Variants in ACTR2 observed in about 807,000 individuals in gnomAD.
The protein encoded by ACTR2 is actin related protein 2.
Under a neutral mutation model 50.2 loss-of-function variants are expected in ACTR2, and 5 were observed. The observed-to-expected ratio is 0.10, with a 90% CI of 0.05 to 0.21. The LOEUF (loss-of-function observed/expected upper bound fraction) is 0.21. Ranked by LOEUF, ACTR2 falls within the 10% of genes least tolerant of loss-of-function variation. The pLI, the probability that ACTR2 is intolerant of heterozygous loss-of-function variation, is 1.00. For synonymous variants in ACTR2, 140 were observed against 162.9 expected, an observed-to-expected ratio of 0.86 and a Z score of 1.07; for missense variants, 180 against 480.6, an observed-to-expected ratio of 0.37 and a Z score of 5.85.
At chr2:65,253,524 A>G (rs890082486) in intron 4 of ACTR2, among the ~76,000 whole-genome samples, 1 of 144,000 alleles carries the variant, frequency 6.9e-6, no homozygotes, top group Non-Finnish European at 1.5e-5. Context: ...CTTGGACAGC[A>G]CATAATAGTA....
intron 6 of ACTR2, 120 bp from the exon 7 acceptor site, chr2:65,261,127 A>AT: frequency 1.1e-6 from 1 of 926,520 alleles, no homozygotes; most frequent in Non-Finnish European, 1.6e-6. Flanking sequence ...TTTAGGAAAA[A>AT]TTGTTGTTGG....
At chr2:65,252,041 A>G (rs2104004606) in intron 4 of ACTR2, among the ~76,000 whole-genome samples, 1 of 152,230 alleles carries the variant, frequency 6.6e-6, no homozygotes, top group East Asian at 1.9e-4. Flanking sequence ...TCCAGTGGGA[A>G]AAGAGTGTGG....
At position 65,265,163 on chromosome 2, in the gene ACTR2, G is replaced by A. The variant is rs1672348021; in HGVS notation, c.1002G>A (p.Val334=). The A allele has an allele frequency of 6.2e-7, 1 of 1,614,132 alleles. No homozygotes were observed. The highest frequency in any genetic ancestry group is 8.5e-7 in the Non-Finnish European group (1 of 1,180,010). The change falls in exon 8 of 9, where the codon GTG becomes GTA. Residue 334 remains valine (V), a synonymous_variant. Coordinates refer to ENST00000260641, the MANE Select transcript of ACTR2 (RefSeq NM_005722.4). The stretch of plus-strand genomic sequence containing the variant: ...TAGAACGAGTTTTGAAGGGTGATGT[G>A]GAAAAACTTTCTGTAAGTATTAGTA... ...LYLERVLKGD[V]EKLSKFKIRI...
chr2:65,267,856 A>G (rs1366281853), intron 8 of ACTR2, among the ~76,000 whole-genome samples: 1 of 103,758 alleles, frequency 9.6e-6, no homozygotes, highest in Non-Finnish European at 2.2e-5. Context: ...AAGTCATGCA[A>G]GTCCTCTTTT....
At chr2:65,264,996 T>C (rs1338420931) in intron 7 of ACTR2, 47 bp from the exon 8 acceptor site, 2 of 1,608,114 alleles carry the variant, frequency 1.2e-6, no homozygotes, top group Non-Finnish European at 1.7e-6. Context: ...TGAGATACCA[T>C]TTTCCTAACC....
chr2:65,261,422 T>A, intron 7 of ACTR2, 30 bp downstream of exon 7: 1 of 1,576,954 alleles, frequency 6.3e-7, no homozygotes, highest in Non-Finnish European at 8.6e-7. Flanking sequence ...TTCAAAGTTA[T>A]TTATCAGAAA....
chr2:65,237,185 C>T (rs1179852504), intron 1 of ACTR2, among the ~76,000 whole-genome samples: 1 of 152,142 alleles, frequency 6.6e-6, no homozygotes, highest in Non-Finnish European at 1.5e-5. Context: ...CATTTCCTTT[C>T]TTATATAGCT....
intron 1 of ACTR2, among the ~76,000 whole-genome samples, chr2:65,235,615 T>G (rs1401742675): frequency 6.6e-6 from 1 of 151,986 alleles, no homozygotes; most frequent in Non-Finnish European, 1.5e-5. Flanking sequence ...ATTAGCCAGG[T>G]GCAGTGGCGA....
At position 65,239,656 on chromosome 2, in the gene ACTR2, A is replaced by G. The variant is rs202011582; in HGVS notation, c.49-196A>G. Reference sequence around the variant, plus strand: ...CTAATTTAGCAGTAAATAAACATGAACCCTGGAAGTAGGCAATGCCGTGAA... The same window carrying G: ...CTAATTTAGCAGTAAATAAACATGAGCCCTGGAAGTAGGCAATGCCGTGAA... On this transcript the variant is annotated intron_variant, in intron 1 of 8. Coordinates refer to ENST00000260641, the MANE Select transcript of ACTR2 (RefSeq NM_005722.4). 2.6e-5 allele frequency among the ~76,000 whole-genome samples: 4 copies of G among 152,216 alleles called. No individual in the cohort carries two copies. The East Asian group carries it at 7.7e-4, about 29-fold the overall frequency.
chr2:65,229,750 CAAAA>C (rs57953942), intron 1 of ACTR2, among the ~76,000 whole-genome samples: 2 of 54,054 alleles, frequency 3.7e-5, no homozygotes, highest in Non-Finnish European at 4.1e-5. Flanking sequence ...GACTCCGTCT[CAAAA>C]AAAAAAAAAA....
At chr2:65,256,697 C>G (rs1206361775) in intron 6 of ACTR2, among the ~76,000 whole-genome samples, 2 of 152,024 alleles carry the variant, frequency 1.3e-5, no homozygotes, top group East Asian at 3.9e-4. Flanking sequence ...CATGGTGAAA[C>G]CCGTCTTTAC....
intron 8 of ACTR2, among the ~76,000 whole-genome samples, chr2:65,267,862 C>CTTTTTTTTTGTTTTTTTTT (rs1672405129): frequency 2.1e-5 from 1 of 47,386 alleles, no homozygotes; most frequent in Non-Finnish European, 3.8e-5. Context: ...TGCAAGTCCT[C>CTTTTTTTTTGTTTTTTTTT]TTTTTTTTTT....
chr2:65,239,844 C>T lies in ACTR2; in HGVS notation c.49-8C>T. The T allele has an allele frequency of 6.4e-7, 1 of 1,559,066 alleles. No individual in the cohort carries two copies. The highest frequency in any genetic ancestry group is 8.8e-7 in the Non-Finnish European group (1 of 1,131,360). On this transcript the variant is annotated splice_polypyrimidine_tract_variant and splice_region_variant and intron_variant, in intron 1 of 8. Transcript: ENST00000260641. Reference sequence around the variant, plus strand: ...CTAACCCACTTTTATTTTACTGTTTCATTCCAGTTTGTGAAGTGTGGATAT... The same window carrying T: ...CTAACCCACTTTTATTTTACTGTTTTATTCCAGTTTGTGAAGTGTGGATAT...
intron 1 of ACTR2, among the ~76,000 whole-genome samples, chr2:65,232,123 A>T (rs1017827393): frequency 3.9e-5 from 6 of 152,220 alleles, no homozygotes; most frequent in South Asian, 2.1e-4. Context: ...CAAGCCACTT[A>T]AAGTGGCCCA....
chr2:65,242,075 T>G (rs765822809), intron 2 of ACTR2: 1 of 1,587,078 alleles, frequency 6.3e-7, no homozygotes, highest in South Asian at 1.1e-5. Context: ...TAAGTGAGGT[T>G]ACACACATGC....
chr2:65,249,945 TTTTCTTTC>T (rs932255802), intron 3 of ACTR2, among the ~76,000 whole-genome samples: 3 of 152,184 alleles, frequency 2.0e-5, no homozygotes, highest in Non-Finnish European at 4.4e-5. Flanking sequence ...GTTTTTTATT[TTTTCTTTC>T]TTTCTTTCTT....
chr2:65,255,097 C>A (rs756635994), intron 5 of ACTR2, among the ~76,000 whole-genome samples: 1 of 152,010 alleles, frequency 6.6e-6, no homozygotes, highest in Non-Finnish European at 1.5e-5. Context: ...ATGCTATTGT[C>A]CTTCTAATAT....
chr2:65,238,651 T>TCC (rs397798951), intron 1 of ACTR2, among the ~76,000 whole-genome samples: 4 of 85,294 alleles, frequency 4.7e-5, no homozygotes, highest in African/African-American at 2.2e-4. Context: ...AGAGCGAGAC[T>TCC]GTCTAAAAAA....
chr2:65,235,532 G>GGATCAGGAGATT (rs1671723257), intron 1 of ACTR2, among the ~76,000 whole-genome samples: 1 of 152,158 alleles, frequency 6.6e-6, no homozygotes, highest in African/African-American at 2.4e-5. Context: ...TGAGGCGAGT[G>GGATCAGGAGATT]GATCACGAGG....
Sources: allele counts gnomAD v4.1 joint callset (sites outside exome capture counted in the v4.1 genomes callset), GRCh38; gene constraint gnomAD v4.1.1; transcripts MANE v1.5; gene names NCBI Gene and HGNC (gene_info 2026-07-23, HGNC 2026-07-21).